Variants in KCNN2 observed in about 807,000 individuals in gnomAD.
KCNN2 encodes the protein small conductance calcium-activated potassium channel protein 2.
A neutral mutation model predicts 55.5 loss-of-function variants in KCNN2; 24 were observed. The observed-to-expected ratio is 0.43, with a 90% CI of 0.31 to 0.61. KCNN2 has a LOEUF of 0.61. Among genes scored for constraint, KCNN2 ranks in the 20% least tolerant of loss-of-function variants. KCNN2 has a pLI of 0.08. For synonymous variants in KCNN2, 431 were observed against 336.1 expected, an observed-to-expected ratio of 1.28 and a Z score of -3.09; for missense variants, 754 against 853.6, an observed-to-expected ratio of 0.88 and a Z score of 1.45.
chr5:114,363,265 C>T lies in KCNN2; in HGVS notation c.1122+4C>T, dbSNP rs767753431. 3.8e-6 allele frequency: 6 copies of T among 1,592,034 alleles called. No homozygotes were observed. The African/African-American group carries it at 8.1e-5, about 21-fold the overall frequency. On this transcript the variant is annotated splice_donor_region_variant and intron_variant, in intron 1 of 7. Coordinates refer to ENST00000673685, the MANE Select transcript of KCNN2 (RefSeq NM_021614.4). ...GTCGTGGGGCGCCTACGACAAGGTA[C>T]AGGCTTGAACCCCAGCCCACGCTAC...
chr5:114,259,840 G>T (rs376826686), intron 2 of KCNN2, among the ~76,000 whole-genome samples: 4 of 152,134 alleles, frequency 2.6e-5, no homozygotes, highest in African/African-American at 9.6e-5. Context: ...TCTTCACTAG[G>T]TTCCAGCACT....
chr5:114,253,031 G>C (rs115561895), intron 2 of KCNN2, among the ~76,000 whole-genome samples: 5 of 152,004 alleles, frequency 3.3e-5, no homozygotes, highest in African/African-American at 1.2e-4. Flanking sequence ...CTTCTCCTTG[G>C]GGGGTAGTAC....
chr5:114,461,357 A>AG (rs1761180853), intron 3 of KCNN2, among the ~76,000 whole-genome samples: 1 of 152,108 alleles, frequency 6.6e-6, no homozygotes, highest in Non-Finnish European at 1.5e-5. Flanking sequence ...GAGGTTGTTT[A>AG]GGGGTGAGGA....
At chr5:114,286,270 A>G (rs1755747807) in intron 2 of KCNN2, among the ~76,000 whole-genome samples, 1 of 152,194 alleles carries the variant, frequency 6.6e-6, no homozygotes, top group Non-Finnish European at 1.5e-5. Context: ...GAAGGGCAGG[A>G]TTAGAGAAGA....
intron 2 of KCNN2, among the ~76,000 whole-genome samples, chr5:114,238,093 T>C (rs1270984011): frequency 6.6e-6 from 1 of 152,198 alleles, no homozygotes; most frequent in East Asian, 1.9e-4. Flanking sequence ...TAAGTCTCTC[T>C]AGCATTTGTA....
chr5:114,454,387 G>A (rs1760825818), intron 3 of KCNN2, among the ~76,000 whole-genome samples: 1 of 152,142 alleles, frequency 6.6e-6, no homozygotes, highest in African/African-American at 2.4e-5. Flanking sequence ...GCAATTGGAA[G>A]CCAGTTGGAA....
At chr5:114,130,180 G>A (rs139401293) in intron 1 of KCNN2, among the ~76,000 whole-genome samples, 1 of 152,216 alleles carries the variant, frequency 6.6e-6, no homozygotes, top group African/African-American at 2.4e-5. Context: ...TTCTTTAATT[G>A]TTTTACAAGC....
At chr5:114,363,566 A>G (rs1003740041) in intron 1 of KCNN2, among the ~76,000 whole-genome samples, 11 of 152,182 alleles carry the variant, frequency 7.2e-5, no homozygotes, top group Admixed American at 1.3e-4. Context: ...CTCGTGAATT[A>G]TGTTTAGAAG....
chr5:114,340,088 A>G (rs2150036173), intron 2 of KCNN2, among the ~76,000 whole-genome samples: 1 of 152,298 alleles, frequency 6.6e-6, no homozygotes, highest in African/African-American at 2.4e-5. Flanking sequence ...AATGCTTTCT[A>G]TTACACAATG....
rs1754632566 is a variant in KCNN2 at position 114,241,736 on chromosome 5, ATATACG to A, written c.-185+20176_-185+20181del. On this transcript the variant is annotated intron_variant, in intron 2 of 10. Transcript: ENST00000512097. ...TATATATATACGTATATATATACATATATACGTATATATATGTATATATATACGTAT... is the reference window on the plus strand; with the variant it reads ...TATATATATACGTATATATATACATATATATATATGTATATATATACGTAT... 5.8e-4 allele frequency among the ~76,000 whole-genome samples: 16 copies of A among 27,598 alleles called. 1 individual carries two copies. The highest frequency in any genetic ancestry group is 8.5e-4 in the Admixed American group (2 of 2,346). 18.1% of individuals were successfully genotyped at this position (27,598 alleles called of 152,430 possible). A position where few individuals can be genotyped will look rare whatever the true frequency, so the allele number is the denominator to read the frequency against.
intron 1 of KCNN2, among the ~76,000 whole-genome samples, chr5:114,153,764 C>T (rs1162521699): frequency 6.6e-6 from 1 of 152,320 alleles, no homozygotes; most frequent in East Asian, 1.9e-4. Context: ...ATCGCCTTGG[C>T]TCTCAAGACA....
At chr5:114,449,882 A>ACACG (rs1760581129) in intron 3 of KCNN2, among the ~76,000 whole-genome samples, 1 of 33,888 alleles carries the variant, frequency 3.0e-5, no homozygotes, top group African/African-American at 5.3e-5. Flanking sequence ...CCAAACATAC[A>ACACG]CACACACACA....
intron 1 of KCNN2, among the ~76,000 whole-genome samples, chr5:114,205,926 T>C (rs185951430): frequency 6.6e-6 from 1 of 152,290 alleles, no homozygotes; most frequent in Admixed American, 6.5e-5. Context: ...TCCTGTTACT[T>C]TTTGAAAATA....
chr5:114,449,194 C>T (rs990439784), intron 3 of KCNN2, among the ~76,000 whole-genome samples: 9 of 152,088 alleles, frequency 5.9e-5, no homozygotes, highest in Non-Finnish European at 1.2e-4. Context: ...CCTGCCTTTC[C>T]AAGGGACCTC....
At chr5:114,273,926 G>T (rs1435593481) in intron 2 of KCNN2, among the ~76,000 whole-genome samples, 1 of 152,150 alleles carries the variant, frequency 6.6e-6, no homozygotes, top group East Asian at 1.9e-4. Flanking sequence ...CTTTGCCCAT[G>T]CCTATGTCCT....
chr5:114,227,300 A>C (rs953320382), intron 2 of KCNN2, among the ~76,000 whole-genome samples: 1 of 152,186 alleles, frequency 6.6e-6, no homozygotes, highest in Non-Finnish European at 1.5e-5. Context: ...TGTTCTCGCT[A>C]CTAAAAATAT....
At chr5:114,381,493 A>G (rs1176081348) in intron 2 of KCNN2, among the ~76,000 whole-genome samples, 2 of 152,262 alleles carry the variant, frequency 1.3e-5, no homozygotes, top group African/African-American at 4.8e-5. Context: ...TAAGGGCTCT[A>G]ATAAGTGACA....
chr5:114,343,740 G>C (rs1033792238), intron 2 of KCNN2, among the ~76,000 whole-genome samples: 2 of 152,056 alleles, frequency 1.3e-5, no homozygotes, highest in African/African-American at 2.4e-5. Context: ...GGTGTGGTGA[G>C]GGAATGAGTG....
At chr5:114,199,603 G>T (rs1753629134) in intron 1 of KCNN2, among the ~76,000 whole-genome samples, 1 of 95,890 alleles carries the variant, frequency 1.0e-5, no homozygotes, top group South Asian at 3.0e-4. Flanking sequence ...TATGAATTTT[G>T]GGTTTTATAT....
Sources: allele counts gnomAD v4.1 joint callset (sites outside exome capture counted in the v4.1 genomes callset), GRCh38; gene constraint gnomAD v4.1.1; transcripts MANE v1.5; gene names NCBI Gene and HGNC (gene_info 2026-07-23, HGNC 2026-07-21).